The following RALYL variants were observed in gnomAD, a reference collection of about 807,000 sequenced individuals.
The protein encoded by RALYL is RALY RNA binding protein like.
Under a neutral mutation model 35.1 loss-of-function variants are expected in RALYL, and 29 were observed. The observed-to-expected ratio is 0.83, with a 90% CI of 0.61 to 1.13. The LOEUF is 1.13. RALYL is among the 50% of genes most tolerant of loss of function. The pLI, the probability that RALYL is intolerant of heterozygous loss-of-function variation, is 0.00. For missense variants in RALYL, 359 were observed against 360.4 expected (o/e 1.00, Z 0.03); for synonymous variants, 120 against 127.6 (o/e 0.94, Z 0.40).
intron 1 of RALYL, among the ~76,000 whole-genome samples, chr8:84,224,837 A>T (rs908696682): frequency 6.6e-6 from 1 of 152,028 alleles, no homozygotes; most frequent in South Asian, 2.1e-4. Flanking sequence ...TTGTATTTTC[A>T]GTAGAGACAG....
Position 84,547,161 on chromosome 8 carries a change from C to G in RALYL, c.256+17584C>G, listed in dbSNP as rs541796305. Among the ~76,000 whole-genome samples, 71 of 152,166 alleles carry G rather than the reference C, an allele frequency of 4.7e-4. 2 individuals are homozygous for G. The South Asian group carries it at 5.0e-3, about 11-fold the overall frequency. On this transcript the variant is annotated intron_variant, in intron 2 of 8. Coordinates refer to ENST00000521268, the MANE Select transcript of RALYL (RefSeq NM_173848.7). Reference sequence around the variant, plus strand: ...GCCCCAGTGTGTGATATTCCCCTCCCTGTGTTCTCATTGTTCAGCTCCCAC... The same window carrying G: ...GCCCCAGTGTGTGATATTCCCCTCCGTGTGTTCTCATTGTTCAGCTCCCAC...
At chr8:84,284,730 C>T (rs1454393864) in intron 1 of RALYL, among the ~76,000 whole-genome samples, 2 of 152,146 alleles carry the variant, frequency 1.3e-5, no homozygotes, top group African/African-American at 4.8e-5. Context: ...GAAAGAGACA[C>T]AGGTTAAAAT....
At chr8:84,339,404 A>G (rs1848375821) in intron 1 of RALYL, among the ~76,000 whole-genome samples, 2 of 151,928 alleles carry the variant, frequency 1.3e-5, no homozygotes, top group Non-Finnish European at 2.9e-5. Flanking sequence ...TTAGATTCTC[A>G]TAGGAGCATG....
At chr8:84,550,614 T>C (rs2060650549) in intron 2 of RALYL, among the ~76,000 whole-genome samples, 2 of 151,378 alleles carry the variant, frequency 1.3e-5, no homozygotes, top group African/African-American at 4.8e-5. Flanking sequence ...TATATACCTT[T>C]TTATTTTATT....
intron 1 of RALYL, among the ~76,000 whole-genome samples, chr8:84,407,066 AC>A (rs2043607237): frequency 6.7e-6 from 1 of 148,270 alleles, no homozygotes; most frequent in African/African-American, 2.6e-5. Context: ...ACACACACAC[AC>A]AAACACACAC....
chr8:84,623,124 T>C lies in RALYL; in HGVS notation c.256+93547T>C, dbSNP rs146382885. 1.0e-3 allele frequency among the ~76,000 whole-genome samples: 159 copies of C among 152,350 alleles called. 3 individuals are homozygous for C. In the East Asian group the frequency reaches 0.03, roughly 29 times the overall value. The stretch of plus-strand genomic sequence containing the variant: ...TCCCTGAATGTGACAGTAAAACTTC[T>C]AAGTTTTATTCCATTTTCAAAGATT... On this transcript the variant is annotated intron_variant, in intron 2 of 8. Transcript: ENST00000521268.
At position 84,568,038 on chromosome 8, in the gene RALYL, A is replaced by C. The variant is rs2061907786; in HGVS notation, c.256+38461A>C. 1.3e-5 allele frequency among the ~76,000 whole-genome samples: 2 copies of C among 148,896 alleles called. 1 individual carries two copies. Among genetic ancestry groups the C allele is most frequent in the African/African-American group, 4.9e-5 (2 of 40,568 alleles). On this transcript the variant is annotated intron_variant, in intron 2 of 8. Transcript: ENST00000521268. ...AAATGTCTGTTCATGTCCTTTTCCC[A>C]GTTTTTTTTTAAATTTTATTATTAT...
chr8:84,848,411 G>A (rs1482938981), intron 4 of RALYL, among the ~76,000 whole-genome samples: 1 of 147,046 alleles, frequency 6.8e-6, no homozygotes, highest in Non-Finnish European at 1.5e-5. Context: ...ATATATATGT[G>A]TGTGTATATA....
chr8:84,474,002 GTAATTCAGAGAGTTAT>G (rs1437468311), intron 1 of RALYL, among the ~76,000 whole-genome samples: 1 of 151,974 alleles, frequency 6.6e-6, no homozygotes, highest in Non-Finnish European at 1.5e-5. Flanking sequence ...AAGGTGACTT[GTAATTCAGAGAGTTAT>G]TGATTCTGAT....
chr8:84,624,112 A>G (rs1322530640), intron 2 of RALYL, among the ~76,000 whole-genome samples: 1 of 152,246 alleles, frequency 6.6e-6, no homozygotes, highest in Non-Finnish European at 1.5e-5. Context: ...TCAGATGAAT[A>G]GTGCTCAGAT....
intron 2 of RALYL, among the ~76,000 whole-genome samples, chr8:84,723,784 C>A (rs947220606): frequency 2.0e-5 from 3 of 151,706 alleles, no homozygotes; most frequent in Non-Finnish European, 4.4e-5. Flanking sequence ...TTTATTATTG[C>A]AATAGTCTCT....
chr8:84,787,050 T>C (rs1433053652), intron 3 of RALYL, among the ~76,000 whole-genome samples: 2 of 152,236 alleles, frequency 1.3e-5, no homozygotes, highest in Admixed American at 1.3e-4. Flanking sequence ...GTGATACATG[T>C]GCAGAACATG....
chr8:84,621,577 G>A (rs1821495496), intron 2 of RALYL, among the ~76,000 whole-genome samples: 1 of 150,150 alleles, frequency 6.7e-6, no homozygotes, highest in Admixed American at 6.6e-5. Context: ...CACGCTGGGA[G>A]CTGTAGACCG....
At chr8:84,235,909 G>A (rs1284553774) in intron 1 of RALYL, among the ~76,000 whole-genome samples, 1 of 151,608 alleles carries the variant, frequency 6.6e-6, no homozygotes, top group Non-Finnish European at 1.5e-5. Context: ...TGGGATTATA[G>A]GCACGTGCCA....
At chr8:84,556,803 T>A (rs1005812965) in intron 2 of RALYL, among the ~76,000 whole-genome samples, 1 of 152,138 alleles carries the variant, frequency 6.6e-6, no homozygotes, top group Admixed American at 6.5e-5. Context: ...TGGGAAGAGC[T>A]GCTCTTTCAG....
intron 4 of RALYL, among the ~76,000 whole-genome samples, chr8:84,820,167 C>G (rs1368908243): frequency 6.6e-6 from 1 of 152,126 alleles, no homozygotes; most frequent in Non-Finnish European, 1.5e-5. Context: ...TAAATATTCT[C>G]TAAATAATCT....
intron 1 of RALYL, among the ~76,000 whole-genome samples, chr8:84,404,765 C>A (rs938902992): frequency 9.2e-5 from 14 of 152,074 alleles, no homozygotes; most frequent in Admixed American, 9.2e-4. Flanking sequence ...CCTCTTGGTA[C>A]CTCTGGTAGA....
chr8:84,589,657 AATT>A (rs200556855), intron 2 of RALYL, among the ~76,000 whole-genome samples: 20 of 152,314 alleles, frequency 1.3e-4, no homozygotes, highest in African/African-American at 4.8e-4. Context: ...GCTAAAGTCC[AATT>A]ATTATATTAA....
chr8:84,257,490 G>A (rs1442474892), intron 1 of RALYL, among the ~76,000 whole-genome samples: 1 of 152,084 alleles, frequency 6.6e-6, no homozygotes, highest in African/African-American at 2.4e-5. Context: ...TACTTAATGG[G>A]ACTGCAAAAT....
Sources: allele counts gnomAD v4.1 joint callset (sites outside exome capture counted in the v4.1 genomes callset), GRCh38; gene constraint gnomAD v4.1.1; transcripts MANE v1.5; gene names NCBI Gene and HGNC (gene_info 2026-07-23, HGNC 2026-07-21).